The following SLC2A12 variants were observed in gnomAD, a reference collection of about 807,000 sequenced individuals.
SLC2A12 encodes solute carrier family 2 member 12.
In SLC2A12, 23 loss-of-function variants were observed where a neutral mutation model predicts 41.8. That is an observed-to-expected ratio of 0.55 (90% CI 0.40 to 0.78). SLC2A12 has a LOEUF of 0.78. Among genes scored for constraint, SLC2A12 ranks in the 30% least tolerant of loss-of-function variants. SLC2A12 has a pLI of 0.00. For synonymous variants in SLC2A12, 295 were observed against 285.9 expected, an observed-to-expected ratio of 1.03 and a Z score of -0.32; for missense variants, 654 against 745.6, an observed-to-expected ratio of 0.88 and a Z score of 1.43.
Position 134,052,513 on chromosome 6 carries a change from A to G in SLC2A12, c.-33T>C, listed in dbSNP as rs1369663683. On this transcript the variant is annotated 5_prime_UTR_variant, in exon 1 of 5. Coordinates refer to ENST00000275230, the MANE Select transcript of SLC2A12 (RefSeq NM_145176.3). ...TAGAAGTTACAGCCGCTTCCCCGCC[A>G]CCAAACCGCCCCGACCACCCCCGCT... 1.9e-6 allele frequency: 3 copies of G among 1,579,906 alleles called. No homozygotes were observed. Among genetic ancestry groups the G allele is most frequent in the Non-Finnish European group, 2.6e-6 (3 of 1,152,980 alleles).
At chr6:134,044,725 A>AG in intron 1 of SLC2A12, among the ~76,000 whole-genome samples, 1 of 150,564 alleles carries the variant, frequency 6.6e-6, no homozygotes, top group South Asian at 2.1e-4. Flanking sequence ...AAAAAAAAAA[A>AG]AAAAAAAAAG....
At chr6:133,995,073 G>A (rs1019660900) in intron 4 of SLC2A12, among the ~76,000 whole-genome samples, 90 of 152,292 alleles carry the variant, frequency 5.9e-4, no homozygotes, top group African/African-American at 2.0e-3. Context: ...GAGCAGCTTC[G>A]TGAGAATGGG....
rs151246158 is a variant in SLC2A12, at chr6:133,991,954, C to T, written c.1701-646G>A. ...AGTAAAAGTGCAAATGAGAAATAAA[C>T]GGGGAAGGAGAAAAAAGGGTTTAGT... On this transcript the variant is annotated intron_variant, in intron 4 of 4. Transcript: ENST00000275230. Among the ~76,000 whole-genome samples the T allele has an allele frequency of 5.0e-3, 753 of 151,878 alleles. 10 individuals are homozygous for T. The highest frequency in any genetic ancestry group is 0.017 in the African/African-American group (710 of 41,396).
At chr6:133,996,799 A>G (rs972709076) in intron 4 of SLC2A12, among the ~76,000 whole-genome samples, 5 of 152,116 alleles carry the variant, frequency 3.3e-5, no homozygotes, top group African/African-American at 1.2e-4. Context: ...CATTTCCTTA[A>G]CTAATTTGAT....
rs1402020463 is a variant in SLC2A12 at position 134,028,653 on chromosome 6, A to G, written c.1172T>C (p.Ile391Thr). ...GGTTGACAGGTTTCCTGGTCCATAA[A>G]TCACAGACTCATCCAAGGACTGGTT... ...SINQSLDESV[I>T]YGPGNLSTNN... The change falls in exon 2 of 5, where the codon ATT (isoleucine) becomes ACT (threonine). Residue 391 changes from isoleucine (I) to threonine (T), a missense_variant. Around this residue, in one of 3 missense-constraint regions of SLC2A12, gnomAD observed 411 missense variants for 412.1 expected, o/e 1.00. Transcript: ENST00000275230. 3 of 1,614,194 alleles carry G rather than the reference A, an allele frequency of 1.9e-6. No homozygotes were observed. Among genetic ancestry groups the G allele is most frequent in the Non-Finnish European group, 1.7e-6 (2 of 1,180,018 alleles).
chr6:134,021,994 T>C (rs1777046572), intron 2 of SLC2A12, among the ~76,000 whole-genome samples: 1 of 152,154 alleles, frequency 6.6e-6, no homozygotes, highest in South Asian at 2.1e-4. Context: ...GGGAGCATCA[T>C]TCACTTTGTC....
chr6:134,025,758 G>A (rs1404535784), intron 2 of SLC2A12, among the ~76,000 whole-genome samples: 1 of 152,126 alleles, frequency 6.6e-6, no homozygotes, highest in Non-Finnish European at 1.5e-5. Flanking sequence ...TGTTGGCCAG[G>A]CTGGTCTTGA....
At chr6:134,051,183 C>A (rs1773678985) in intron 1 of SLC2A12, among the ~76,000 whole-genome samples, 1 of 152,170 alleles carries the variant, frequency 6.6e-6, no homozygotes, top group African/African-American at 2.4e-5. Flanking sequence ...ACCTTGGCCT[C>A]CCAAAGTGCT....
intron 1 of SLC2A12, among the ~76,000 whole-genome samples, chr6:134,036,610 A>T (rs1237657572): frequency 6.6e-6 from 1 of 152,200 alleles, no homozygotes; most frequent in Non-Finnish European, 1.5e-5. Flanking sequence ...GCACAAAGTA[A>T]ATACTCAATG....
intron 1 of SLC2A12, among the ~76,000 whole-genome samples, chr6:134,051,861 T>C (rs188597630): frequency 1.2e-4 from 19 of 152,310 alleles, no homozygotes; most frequent in African/African-American, 4.3e-4. Flanking sequence ...TGTGTTCTCA[T>C]TGATTACATA....
chr6:134,030,815 G>A (rs1008529947), intron 1 of SLC2A12, among the ~76,000 whole-genome samples: 5 of 152,180 alleles, frequency 3.3e-5, no homozygotes, highest in Non-Finnish European at 7.3e-5. Flanking sequence ...GGGCCTTGTC[G>A]GTCACAGTGA....
intron 4 of SLC2A12, among the ~76,000 whole-genome samples, chr6:133,999,561 GC>G (rs1241933983): frequency 2.0e-5 from 3 of 152,136 alleles, no homozygotes; most frequent in African/African-American, 7.2e-5. Flanking sequence ...TTGGAAAGTT[GC>G]CCTGAGTTTG....
intron 2 of SLC2A12, among the ~76,000 whole-genome samples, chr6:134,026,133 G>A (rs1044151492): frequency 5.9e-5 from 9 of 152,208 alleles, no homozygotes; most frequent in African/African-American, 1.9e-4. Context: ...TTAGAAAGAA[G>A]AGGGTATCCC....
At chr6:134,027,679 G>A (rs150498945) in intron 2 of SLC2A12, among the ~76,000 whole-genome samples, 1 of 152,270 alleles carries the variant, frequency 6.6e-6, no homozygotes, top group Non-Finnish European at 1.5e-5. Context: ...ACAACAAACA[G>A]CCTATTCTAG....
At chr6:134,049,378 T>C (rs987531061) in intron 1 of SLC2A12, among the ~76,000 whole-genome samples, 2 of 152,184 alleles carry the variant, frequency 1.3e-5, no homozygotes, top group Non-Finnish European at 2.9e-5. Flanking sequence ...CCCAGCCAAT[T>C]GTTTGGATCA....
intron 2 of SLC2A12, among the ~76,000 whole-genome samples, chr6:134,020,771 C>A (rs1171615704): frequency 6.6e-6 from 1 of 152,214 alleles, no homozygotes; most frequent in Admixed American, 6.5e-5. Flanking sequence ...CCAGTCCTTG[C>A]ACCTGCAGTT....
intron 2 of SLC2A12, among the ~76,000 whole-genome samples, chr6:134,025,494 A>G (rs181963249): frequency 6.6e-6 from 1 of 152,186 alleles, no homozygotes; most frequent in Non-Finnish European, 1.5e-5. Context: ...ACCATATTTT[A>G]AAAAAATTAG....
intron 1 of SLC2A12, among the ~76,000 whole-genome samples, chr6:134,034,462 C>A (rs145598550): frequency 6.6e-6 from 1 of 152,282 alleles, no homozygotes; most frequent in Non-Finnish European, 1.5e-5. Context: ...TAGTCCTTAG[C>A]GCTTCTGAGA....
intron 3 of SLC2A12, among the ~76,000 whole-genome samples, chr6:134,004,894 A>G (rs1238662438): frequency 6.6e-6 from 1 of 152,208 alleles, no homozygotes; most frequent in Non-Finnish European, 1.5e-5. Flanking sequence ...ACAATGACAA[A>G]CAGCGAGACA....
Sources: allele counts gnomAD v4.1 joint callset (sites outside exome capture counted in the v4.1 genomes callset), GRCh38; gene constraint gnomAD v4.1.1; regional missense constraint gnomAD v4.1.1; transcripts MANE v1.5; gene names NCBI Gene and HGNC (gene_info 2026-07-23, HGNC 2026-07-21).